MRAP: variants seen among roughly 807,000 people sequenced by gnomAD.
MRAP encodes the protein melanocortin-2 receptor accessory protein.
In MRAP, 8 loss-of-function variants were observed where a neutral mutation model predicts 8.7. The ratio of observed to expected loss-of-function variants is 0.92; its 90% CI spans 0.54 to 1.66. The LOEUF is 1.66. MRAP is among the 40% of genes most tolerant of loss of function. The pLI is 0.00. For missense variants in MRAP, 237 were observed against 217.1 expected, an observed-to-expected ratio of 1.09 and a Z score of -0.58; for synonymous variants, 95 against 95.5, an observed-to-expected ratio of 1.00 and a Z score of 0.03.
At chr21:32,311,513 C>A in intron 2 of MRAP, 171 bp from the exon 3 acceptor site, 1 of 826,408 alleles carries the variant, frequency 1.2e-6, no homozygotes, top group Non-Finnish European at 1.8e-6. Context: ...TGAGATTTCT[C>A]TAGAATGGCC....
At chr21:32,296,496 G>A (rs1002527508), upstream of MRAP, among the ~76,000 whole-genome samples, 1 of 152,098 alleles carries the variant, frequency 6.6e-6, no homozygotes, top group African/African-American at 2.4e-5. Context: ...TCACAACGGG[G>A]TTACATTGTG....
At chr21:32,293,186 C>A (rs1348740868) in intron 2 of MRAP, 1 of 152,140 alleles carries the variant, frequency 6.6e-6, no homozygotes, top group Non-Finnish European at 1.5e-5. Flanking sequence ...GGCCATGAAC[C>A]AAGGAATGAG....
intron 1 of MRAP, chr21:32,306,373 C>A (rs1246309469): frequency 2.1e-6 from 1 of 472,142 alleles, no homozygotes; most frequent in Non-Finnish European, 3.9e-6. Flanking sequence ...GGGGGGCACA[C>A]AATTCCATTC....
At chr21:32,307,445 C>T (rs1243464006) in intron 2 of MRAP, among the ~76,000 whole-genome samples, 2 of 152,014 alleles carry the variant, frequency 1.3e-5, no homozygotes, top group African/African-American at 4.8e-5. Flanking sequence ...GGCGTGGTGG[C>T]ACGCACTTGT....
chr21:32,303,963 T>C (rs1184998717), intron 1 of MRAP, among the ~76,000 whole-genome samples: 1 of 152,224 alleles, frequency 6.6e-6, no homozygotes, highest in Non-Finnish European at 1.5e-5. Context: ...CTGTGAAACC[T>C]GTCATCTTAT....
At chr21:32,296,469 T>C (rs948445325), upstream of MRAP, among the ~76,000 whole-genome samples, 4 of 152,148 alleles carry the variant, frequency 2.6e-5, no homozygotes, top group African/African-American at 9.7e-5. Context: ...AAGAAACATG[T>C]AGAGTCATGT....
chr21:32,310,670 C>CT (rs1445866582), intron 2 of MRAP, among the ~76,000 whole-genome samples: 1 of 149,738 alleles, frequency 6.7e-6, no homozygotes, highest in East Asian at 2.0e-4. Flanking sequence ...TTTTTTGAGA[C>CT]TGAGTCTTGC....
chr21:32,295,521 T>C (rs781160732), upstream of MRAP, among the ~76,000 whole-genome samples: 5 of 152,176 alleles, frequency 3.3e-5, no homozygotes, highest in Admixed American at 6.5e-5. Context: ...AGAGAGATAG[T>C]TAACAACAGC....
At chr21:32,299,715 G>T (rs183234445) in intron 1 of MRAP, among the ~76,000 whole-genome samples, 4 of 152,256 alleles carry the variant, frequency 2.6e-5, no homozygotes, top group Admixed American at 2.6e-4. Context: ...TTAAAGATTT[G>T]CCTTTTCCAC....
chr21:32,299,218 T>C (rs111304944), intron 1 of MRAP, 141 bp downstream of exon 1: 73 of 707,738 alleles, frequency 1.0e-4, no homozygotes, highest in Non-Finnish European at 1.6e-4. Flanking sequence ...AGTTCACTCA[T>C]AGATATAAAT....
chr21:32,300,089 A>G (rs2032224240), intron 1 of MRAP, among the ~76,000 whole-genome samples: 1 of 152,158 alleles, frequency 6.6e-6, no homozygotes, highest in Non-Finnish European at 1.5e-5. Flanking sequence ...CACTATAATC[A>G]CATACTGTCT....
chr21:32,296,167 C>T (rs2032135293), upstream of MRAP, among the ~76,000 whole-genome samples: 1 of 152,036 alleles, frequency 6.6e-6, no homozygotes, highest in Non-Finnish European at 1.5e-5. Context: ...GGTATCCCAA[C>T]CTCCTCTTCT....
At chr21:32,305,144 A>T (rs565996352) in intron 1 of MRAP, among the ~76,000 whole-genome samples, 61 of 150,772 alleles carry the variant, frequency 4.0e-4, no homozygotes, top group African/African-American at 1.2e-3. Context: ...AATCAAAAAA[A>T]TTTTTTTTTA....
chr21:32,304,719 T>G (rs1052103148), intron 1 of MRAP, among the ~76,000 whole-genome samples: 2 of 152,026 alleles, frequency 1.3e-5, no homozygotes, highest in Non-Finnish European at 2.9e-5. Context: ...CTCATTTCCC[T>G]TTCCCCAGGA....
chr21:32,299,827 A>G (rs1324659529), intron 1 of MRAP, among the ~76,000 whole-genome samples: 2 of 152,236 alleles, frequency 1.3e-5, no homozygotes, highest in African/African-American at 4.8e-5. Context: ...TCATAGTCTC[A>G]GCAAGGACAA....
chr21:32,302,109 T>C (rs1007396891), intron 1 of MRAP, among the ~76,000 whole-genome samples: 2 of 152,268 alleles, frequency 1.3e-5, no homozygotes, highest in Admixed American at 6.5e-5. Context: ...CAACAACTTC[T>C]TGAACTGATG....
rs116731863 is a variant in MRAP, at chr21:32,302,485, C to T, written c.106+3408C>T. 3.6e-3 allele frequency among the ~76,000 whole-genome samples: 553 copies of T among 152,256 alleles called. 4 individuals are homozygous for T. The highest frequency in any genetic ancestry group is 0.011 in the African/African-American group (474 of 41,546). On this transcript the variant is annotated intron_variant, in intron 1 of 2. Transcript: ENST00000303645. Reference sequence around the variant, plus strand: ...TTCTGGTACATTCATTGAGAAAGTCCGTTTCTTTGCTGACTTGGTAAAGAA... The same window carrying T: ...TTCTGGTACATTCATTGAGAAAGTCTGTTTCTTTGCTGACTTGGTAAAGAA...
chr21:32,311,895 C>A lies in MRAP; in HGVS notation c.418C>A (p.Pro140Thr). ...GCCCCTCGGGGGTTTCCAGACCCAC[C>A]CCACTCTCCTCTGGGAACTGACCCT... ...TLPLGGFQTH[P>T]TLLWELTLNG... is the part of the protein sequence containing the mutation. Residue 140 changes from proline (P) to threonine (T), a missense_variant, in exon 3 of 3, where the codon CCC becomes ACC. Coordinates refer to ENST00000303645, the MANE Select transcript of MRAP (RefSeq NM_001379228.1). The A allele has an allele frequency of 6.2e-7, 1 of 1,614,008 alleles. No homozygotes were observed. The highest frequency in any genetic ancestry group is 8.5e-7 in the Non-Finnish European group (1 of 1,180,028).
chr21:32,301,090 G>GTATATGATATCATATATCATATGA (rs1432845024), intron 1 of MRAP, among the ~76,000 whole-genome samples: 3 of 143,420 alleles, frequency 2.1e-5, no homozygotes, highest in Non-Finnish European at 2.9e-5. Context: ...ATGATATATC[G>GTATATGATATCATATATCATATGA]TATATGATAT....
Sources: gnomAD v4.1 joint callset for allele counts (sites outside exome capture counted in the v4.1 genomes callset) on GRCh38, gnomAD v4.1.1 for gene constraint, MANE v1.5 for transcripts, NCBI Gene and HGNC (gene_info 2026-07-23, HGNC 2026-07-21) for gene names.